ASIC5: variants seen among roughly 807,000 people sequenced by gnomAD.
ASIC5 encodes the protein acid sensing ion channel subunit family member 5.
A neutral mutation model predicts 51.2 loss-of-function variants in ASIC5; 52 were observed. The observed-to-expected ratio is 1.02, with a 90% CI of 0.81 to 1.28. The LOEUF (loss-of-function observed/expected upper bound fraction) is 1.28, where lower values mean the gene tolerates loss of function less well. ASIC5 is among the 50% of genes most tolerant of loss of function. The pLI, the probability that ASIC5 is intolerant of heterozygous loss-of-function variation, is 0.00. For synonymous variants in ASIC5, 231 were observed against 200.7 expected, an observed-to-expected ratio of 1.15 and a Z score of -1.28; for missense variants, 635 against 595.0, an observed-to-expected ratio of 1.07 and a Z score of -0.70.
chr4:155,832,246 A>G (rs938240934), intron 8 of ASIC5, among the ~76,000 whole-genome samples: 3 of 152,188 alleles, frequency 2.0e-5, no homozygotes, highest in African/African-American at 7.2e-5. Flanking sequence ...GTCTTTTGTT[A>G]CTTACATGAC....
intron 1 of ASIC5, chr4:155,865,162 AT>A (rs1250009057): frequency 6.6e-6 from 1 of 151,906 alleles, no homozygotes; most frequent in Non-Finnish European, 1.5e-5. Flanking sequence ...TATTTTACAA[AT>A]TATATTATGA....
At chr4:155,864,448 T>A (rs1741807330) in intron 1 of ASIC5, 1 of 152,180 alleles carries the variant, frequency 6.6e-6, no homozygotes, top group African/African-American at 2.4e-5. Flanking sequence ...TAAATTTTTT[T>A]GGCAATATAT....
At chr4:155,847,722 A>C (rs1029084628) in intron 4 of ASIC5, among the ~76,000 whole-genome samples, 1 of 152,030 alleles carries the variant, frequency 6.6e-6, no homozygotes, top group Admixed American at 6.6e-5. Context: ...ACTCTGTCTC[A>C]GTAAAAAAAA....
intron 1 of ASIC5, among the ~76,000 whole-genome samples, chr4:155,865,847 T>C (rs557843156): frequency 6.6e-6 from 1 of 152,214 alleles, no homozygotes; most frequent in Admixed American, 6.6e-5. Context: ...CTGATCAACA[T>C]AGAAGCATTT....
intron 7 of ASIC5, among the ~76,000 whole-genome samples, chr4:155,838,359 A>G (rs990099129): frequency 6.6e-6 from 1 of 152,200 alleles, no homozygotes; most frequent in Non-Finnish European, 1.5e-5. Flanking sequence ...TAAATATGGC[A>G]TGTACAGTTA....
At chr4:155,858,085 C>T (rs561920841) in intron 2 of ASIC5, among the ~76,000 whole-genome samples, 1 of 152,116 alleles carries the variant, frequency 6.6e-6, no homozygotes, top group South Asian at 2.1e-4. Context: ...AAATAAAATT[C>T]TGAAGTTTTT....
At chr4:155,860,160 A>G (rs1296326572) in intron 2 of ASIC5, among the ~76,000 whole-genome samples, 3 of 152,010 alleles carry the variant, frequency 2.0e-5, no homozygotes, top group Non-Finnish European at 4.4e-5. Flanking sequence ...ATTTTAGTCA[A>G]TAAAGCAGTT....
Position 155,831,809 on chromosome 4 carries a change from T to C in ASIC5, c.1327+15A>G. The C allele has an allele frequency of 6.7e-7, 1 of 1,486,274 alleles. No individual in the cohort carries two copies. The highest frequency in any genetic ancestry group is 1.7e-5 in the Admixed American group (1 of 57,934). The allele number at this position is 1,486,274 out of a possible 1,614,324, so 92.1% of individuals were successfully genotyped here. On this transcript the variant is annotated intron_variant, in intron 9 of 9. Transcript: ENST00000537611. Reference sequence around the variant, plus strand: ...AGTAAATAAATAAAATAAGGAGCAATTAAATAACACTTACCAAGTAACTCA... The same window carrying C: ...AGTAAATAAATAAAATAAGGAGCAACTAAATAACACTTACCAAGTAACTCA...
intron 1 of ASIC5, chr4:155,864,533 T>A (rs1284447331): frequency 6.6e-6 from 1 of 152,148 alleles, no homozygotes; most frequent in Non-Finnish European, 1.5e-5. Flanking sequence ...AATCCCTTTG[T>A]GGAGGGAAAG....
rs78223314 is a variant in ASIC5 at position 155,842,353 on chromosome 4, G to A, written c.863C>T (p.Thr288Ile). The A allele has an allele frequency of 3.5e-5, 57 of 1,607,720 alleles. No homozygotes were observed. Among genetic ancestry groups the A allele is most frequent in the Non-Finnish European group, 4.5e-5 (53 of 1,175,662 alleles). ...HARVTIRQVK[T>I]VHQEYPWGEC... ...TCCCCAAGGGTATTCTTGATGAACT[G>A]TCTTAAGATAAGATAAATACTGGGT... The change falls in exon 6 of 10, where the codon ACA (threonine) becomes ATA (isoleucine). Residue 288 changes from threonine to isoleucine, a missense_variant and splice_region_variant. Transcript: ENST00000537611.
intron 8 of ASIC5, among the ~76,000 whole-genome samples, chr4:155,832,306 G>A (rs546994765): frequency 1.3e-5 from 2 of 152,288 alleles, no homozygotes; most frequent in Admixed American, 1.3e-4. Flanking sequence ...CTCAAGAGTA[G>A]TCAGGATTTT....
At chr4:155,865,675 T>C (rs534957964) in intron 1 of ASIC5, among the ~76,000 whole-genome samples, 77 of 42,514 alleles carry the variant, frequency 1.8e-3, no homozygotes, top group African/African-American at 4.7e-3. Flanking sequence ...TCTAGTGTTT[T>C]AATAGAGTTT....
intron 1 of ASIC5, among the ~76,000 whole-genome samples, chr4:155,865,823 C>A (rs538416417): frequency 1.3e-5 from 2 of 152,020 alleles, no homozygotes; most frequent in South Asian, 2.1e-4. Flanking sequence ...GACAACTAGA[C>A]CTTGCATTGA....
At chr4:155,834,258 G>C (rs1201110710) in intron 8 of ASIC5, among the ~76,000 whole-genome samples, 1 of 152,134 alleles carries the variant, frequency 6.6e-6, no homozygotes, top group Non-Finnish European at 1.5e-5. Context: ...CCATGAAGTA[G>C]CATTTATTTC....
chr4:155,831,700 G>A, intron 9 of ASIC5, 124 bp downstream of exon 9: 1 of 553,228 alleles, frequency 1.8e-6, no homozygotes, highest in Non-Finnish European at 3.2e-6. Context: ...GAACCCCCTG[G>A]GAAGCGGAGC....
At chr4:155,852,956 A>G (rs566045611) in intron 3 of ASIC5, among the ~76,000 whole-genome samples, 1 of 152,120 alleles carries the variant, frequency 6.6e-6, no homozygotes, top group East Asian at 1.9e-4. Context: ...CTGATACAGA[A>G]AGAAGCCAAC....
At chr4:155,832,690 CTTATTT>C (rs1483696746) in intron 8 of ASIC5, among the ~76,000 whole-genome samples, 1 of 152,064 alleles carries the variant, frequency 6.6e-6, no homozygotes, top group Non-Finnish European at 1.5e-5. Context: ...TCACATTTCC[CTTATTT>C]ATAGTGTAAA....
At chr4:155,852,118 C>T in intron 4 of ASIC5, 73 bp downstream of exon 4, 1 of 1,522,258 alleles carries the variant, frequency 6.6e-7, no homozygotes, top group Non-Finnish European at 9.1e-7. Context: ...TCTGATATGG[C>T]CCAATAGTCT....
chr4:155,864,211 G>C (rs1299980918), intron 1 of ASIC5, among the ~76,000 whole-genome samples: 2 of 152,224 alleles, frequency 1.3e-5, no homozygotes, highest in Non-Finnish European at 2.9e-5. Context: ...TTGTCCTATG[G>C]TGGTATAATT....
Sources: allele counts gnomAD v4.1 joint callset (sites outside exome capture counted in the v4.1 genomes callset), GRCh38; gene constraint gnomAD v4.1.1; transcripts MANE v1.5; gene names NCBI Gene and HGNC (gene_info 2026-07-23, HGNC 2026-07-21).